NRDC: variants seen among roughly 807,000 people sequenced by gnomAD.
NRDC encodes the protein nardilysin.
NRDC carries 54 observed loss-of-function variants against 147.1 expected under a neutral mutation model. The observed-to-expected ratio is 0.37, with a 90% confidence interval of 0.29 to 0.46. The LOEUF is 0.46. NRDC is among the 20% of genes least tolerant of loss of function. The probability of loss-of-function intolerance (pLI) is 1.00; values close to 1 mark genes in which losing one functional copy is unlikely to be tolerated. For missense variants in NRDC, 1,082 were observed against 1,370.6 expected (o/e 0.79, Z 3.33); for synonymous variants, 440 against 482.1 (o/e 0.91, Z 1.14).
chr1:51,805,643 AT>A, intron 18 of NRDC, 82 bp from the exon 19 acceptor site: 1 of 806,750 alleles, frequency 1.2e-6, no homozygotes, highest in Non-Finnish European at 1.9e-6. Flanking sequence ...TAATATATAT[AT>A]TTTTTAAATT....
At chr1:51,865,771 G>A (rs939132050) in intron 1 of NRDC, among the ~76,000 whole-genome samples, 1 of 151,518 alleles carries the variant, frequency 6.6e-6, no homozygotes, top group Non-Finnish European at 1.5e-5. Context: ...TAACAATATC[G>A]ACCAAGCATG....
intron 4 of NRDC, among the ~76,000 whole-genome samples, chr1:51,831,091 C>T (rs1680686470): frequency 6.6e-6 from 1 of 152,136 alleles, no homozygotes; most frequent in South Asian, 2.1e-4. Context: ...CAGTGGCTTT[C>T]TTATTGGGTG....
At chr1:51,853,237 A>G (rs1190130378) in intron 1 of NRDC, among the ~76,000 whole-genome samples, 2 of 150,460 alleles carry the variant, frequency 1.3e-5, no homozygotes, top group Admixed American at 1.3e-4. Context: ...ATATATATAT[A>G]TATTATATAA....
At chr1:51,790,729 G>A (rs932779699) in intron 28 of NRDC, 80 bp from the exon 29 acceptor site, 39 of 1,063,384 alleles carry the variant, frequency 3.7e-5, no homozygotes, top group East Asian at 4.7e-5. Flanking sequence ...TGTCCAGCCC[G>A]GCTTGTGATG....
rs143307071 is a variant in NRDC at position 51,878,337 on chromosome 1, C to T, written c.279G>A (p.Gly93=). The part of the protein sequence containing the change: ...ADESEEEGRR[G]SLSNAGDPEI... ...CAGGGTCCCCAGCATTACTGAGAGACCCCCTCCGTCCCTCTTCCTCAGATT... is the reference window on the plus strand; with the variant it reads ...CAGGGTCCCCAGCATTACTGAGAGATCCCCTCCGTCCCTCTTCCTCAGATT... Residue 93 remains glycine, a synonymous_variant, in exon 1 of 31, where the codon GGG becomes GGA. Coordinates refer to ENST00000352171, the MANE Select transcript of NRDC (RefSeq NM_001101662.2). 1.8e-4 allele frequency: 289 copies of T among 1,614,150 alleles called. 3 individuals carry two copies. The African/African-American group carries it at 3.4e-3, about 19-fold the overall frequency.
intron 19 of NRDC, 94 bp downstream of exon 19, chr1:51,805,416 G>A: frequency 2.1e-6 from 2 of 970,454 alleles, no homozygotes; most frequent in Admixed American, 2.7e-5. Flanking sequence ...GCTCAAATAT[G>A]GATAGAGAAA....
At chr1:51,821,402 T>A in intron 8 of NRDC, 96 bp downstream of exon 8, 1 of 710,058 alleles carries the variant, frequency 1.4e-6, no homozygotes, top group Non-Finnish European at 2.4e-6. Context: ...CTATCACCTG[T>A]GTAAAAATAA....
chr1:51,837,732 T>C, intron 2 of NRDC: 1 of 741,030 alleles, frequency 1.3e-6, no homozygotes, highest in Non-Finnish European at 1.9e-6. Flanking sequence ...ATTCAATGTA[T>C]ATCATATTCA....
chr1:51,869,353 A>C (rs558384584), intron 1 of NRDC, among the ~76,000 whole-genome samples: 248 of 152,344 alleles, frequency 1.6e-3, no homozygotes, highest in Non-Finnish European at 2.9e-3. Context: ...ACTAAAAAAT[A>C]AATAAAACAA....
intron 1 of NRDC, among the ~76,000 whole-genome samples, chr1:51,869,466 A>G (rs895148775): frequency 1.3e-5 from 2 of 152,232 alleles, no homozygotes; most frequent in Non-Finnish European, 2.9e-5. Context: ...CTATAATTTA[A>G]GTAAACATAT....
chr1:51,805,711 T>TTTTTCTGG, intron 18 of NRDC, 150 bp from the exon 19 acceptor site: 1 of 570,176 alleles, frequency 1.8e-6, no homozygotes. Flanking sequence ...TAAGGGTCTT[T>TTTTTCTGG]AAAAAGCAGT....
chr1:51,805,139 A>T (rs1414080606), intron 19 of NRDC, among the ~76,000 whole-genome samples: 1 of 152,278 alleles, frequency 6.6e-6, no homozygotes, highest in African/African-American at 2.4e-5. Flanking sequence ...ATTTGCTAAG[A>T]ACAGGAACAA....
At chr1:51,845,884 G>C (rs1201462603) in intron 1 of NRDC, among the ~76,000 whole-genome samples, 2 of 151,982 alleles carry the variant, frequency 1.3e-5, no homozygotes, top group Non-Finnish European at 1.5e-5. Context: ...TTAACGCCTG[G>C]AGGGGACCTG....
rs189826707 is a variant in NRDC, at chr1:51,845,626, G to C, written c.342-5112C>G. Among the ~76,000 whole-genome samples, 129 of 152,156 alleles carry C rather than the reference G, an allele frequency of 8.5e-4. 1 individual carries two copies. Among genetic ancestry groups the C allele is most frequent in the African/African-American group, 2.8e-3 (118 of 41,546 alleles). On this transcript the variant is annotated intron_variant, in intron 1 of 30. Coordinates refer to ENST00000352171, the MANE Select transcript of NRDC (RefSeq NM_001101662.2). ...GAAAAGAAAAGAAAAGAAATGTCCC[G>C]TTTTCAGAAATGCCTTCTCTGACCA...
chr1:51,807,298 T>C (rs1421055171), intron 17 of NRDC, among the ~76,000 whole-genome samples: 1 of 152,230 alleles, frequency 6.6e-6, no homozygotes, highest in Non-Finnish European at 1.5e-5. Context: ...AGTTACAAAA[T>C]AGTTCTGCTC....
intron 19 of NRDC, among the ~76,000 whole-genome samples, chr1:51,804,869 C>G (rs1163769381): frequency 6.6e-6 from 1 of 152,092 alleles, no homozygotes; most frequent in African/African-American, 2.4e-5. Context: ...GACACATTTC[C>G]CAAGTATCTC....
intron 1 of NRDC, among the ~76,000 whole-genome samples, chr1:51,847,377 C>G (rs889950250): frequency 1.3e-5 from 2 of 152,246 alleles, no homozygotes; most frequent in Non-Finnish European, 2.9e-5. Context: ...GCCTTGCGCC[C>G]GCACTCCTCA....
intron 1 of NRDC, among the ~76,000 whole-genome samples, chr1:51,846,807 T>C (rs1476997922): frequency 6.6e-6 from 1 of 152,182 alleles, no homozygotes; most frequent in East Asian, 1.9e-4. Flanking sequence ...TGCTGATTGG[T>C]CCATTTTACA....
At chr1:51,850,405 T>C (rs893572808) in intron 1 of NRDC, among the ~76,000 whole-genome samples, 28 of 149,170 alleles carry the variant, frequency 1.9e-4, no homozygotes, top group Admixed American at 2.0e-4. Flanking sequence ...ATGTCTACCT[T>C]ACCTTCAACA....
Sources: gnomAD v4.1 joint callset for allele counts (sites outside exome capture counted in the v4.1 genomes callset) on GRCh38, gnomAD v4.1.1 for gene constraint, MANE v1.5 for transcripts, NCBI Gene and HGNC (gene_info 2026-07-23, HGNC 2026-07-21) for gene names.